Variants in LACRT observed in about 807,000 individuals in gnomAD.
LACRT encodes the protein extracellular glycoprotein lacritin.
A neutral mutation model predicts 14.5 loss-of-function variants in LACRT; 14 were observed. That is an observed-to-expected ratio of 0.96 (90% CI 0.64 to 1.51). The LOEUF (loss-of-function observed/expected upper bound fraction) is 1.51. LACRT is among the 40% of genes most tolerant of loss of function. The pLI, the probability that LACRT is intolerant of heterozygous loss-of-function variation, is 0.00. For missense variants in LACRT, 156 were observed against 161.8 expected (o/e 0.96, Z 0.19); for synonymous variants, 70 against 63.5 (o/e 1.10, Z -0.48).
At chr12:54,632,213 T>C in intron 3 of LACRT, 28 bp downstream of exon 3, 3 of 1,611,474 alleles carry the variant, frequency 1.9e-6, no homozygotes, top group Non-Finnish European at 2.5e-6. Context: ...TTCTAGGTTG[T>C]TGATCTGGCA....
chr12:54,632,333 G>A lies in LACRT; in HGVS notation c.161C>T (p.Pro54Leu), dbSNP rs760027447. Residue 54 changes from proline to leucine, a missense_variant, in exon 3 of 5, where the codon CCA (proline) becomes CTA (leucine). Transcript: ENST00000257867. ...CTCCTGGGCTGTTGTGGTTGTCTCTGGGGGTGAAGCTGGTTCTGCTGGACC... is the reference window on the plus strand; with the variant it reads ...CTCCTGGGCTGTTGTGGTTGTCTCTAGGGGTGAAGCTGGTTCTGCTGGACC... ...ISGPAEPASP[P>L]ETTTTAQETS... 6.2e-7 allele frequency: 1 copy of A among 1,614,114 alleles called. No individual in the cohort carries two copies. The highest frequency in any genetic ancestry group is 8.5e-7 in the Non-Finnish European group (1 of 1,179,994).
intron 2 of LACRT, among the ~76,000 whole-genome samples, chr12:54,632,610 G>A (rs775715927): frequency 2.0e-5 from 3 of 152,074 alleles, no homozygotes; most frequent in Admixed American, 6.5e-5. Context: ...GGTGAGAATC[G>A]GGGAGCACTT....
Position 54,634,882 on chromosome 12 carries a change from A to G in LACRT, c.-41T>C. 3 of 1,535,074 alleles carry G rather than the reference A, an allele frequency of 2.0e-6. No homozygotes were observed. The highest frequency in any genetic ancestry group is 2.7e-6 in the Non-Finnish European group (3 of 1,108,130). On this transcript the variant is annotated 5_prime_UTR_variant, in exon 1 of 5. Transcript: ENST00000257867. ...GTGAGTATAACCACAGAATCTGCAG[A>G]AGGTCTGGGGAATAAGGATGCTGAA...
chr12:54,631,934 C>A, intron 3 of LACRT, 95 bp from the exon 4 acceptor site: 1 of 740,018 alleles, frequency 1.4e-6, no homozygotes, highest in Non-Finnish European at 2.3e-6. Flanking sequence ...CCCACCCCCA[C>A]TCCACCCAGG....
intron 1 of LACRT, 35 bp from the exon 2 acceptor site, chr12:54,633,268 G>T: frequency 6.3e-7 from 1 of 1,590,608 alleles, no homozygotes; most frequent in South Asian, 1.1e-5. Context: ...TGAGAGCAAG[G>T]ACCGAACCGG....
At chr12:54,631,640 G>T in intron 4 of LACRT, 98 bp downstream of exon 4, 1 of 840,440 alleles carries the variant, frequency 1.2e-6, no homozygotes, top group Non-Finnish European at 2.0e-6. Context: ...TCATATGTGA[G>T]GTGGAAATGG....
intron 4 of LACRT, 154 bp downstream of exon 4, chr12:54,631,584 C>G: frequency 1.6e-6 from 1 of 643,952 alleles, no homozygotes; most frequent in Non-Finnish European, 2.8e-6. Flanking sequence ...TATGAAAGCA[C>G]AAAGTGAGGG....
rs202052309 is a variant in LACRT, at chr12:54,632,270, G to A, written c.224C>T (p.Thr75Ile). The change falls in exon 3 of 5, where the codon ACC becomes ATC. Residue 75 changes from threonine to isoleucine, a missense_variant. Transcript: ENST00000257867. ...AAAVQGTAKV[T>I]SSRQELNPLK... Reference sequence around the variant, plus strand: ...GGGGTTTAGTTCCTGCCTGCTTGAGGTGACCTTGGCTGTCCCCTGAACTGC... The same window carrying A: ...GGGGTTTAGTTCCTGCCTGCTTGAGATGACCTTGGCTGTCCCCTGAACTGC... 6.2e-7 allele frequency: 1 copy of A among 1,614,122 alleles called. No homozygotes were observed. Among genetic ancestry groups the A allele is most frequent in the East Asian group, 2.2e-5 (1 of 44,880 alleles).
At chr12:54,632,217 T>A (rs1255950210) in intron 3 of LACRT, 24 bp downstream of exon 3, 2 of 1,612,024 alleles carry the variant, frequency 1.2e-6, no homozygotes, top group Non-Finnish European at 1.7e-6. Context: ...AGGTTGTTGA[T>A]CTGGCATAGA....
intron 1 of LACRT, 80 bp downstream of exon 1, chr12:54,634,704 G>T (rs1376776522): frequency 7.8e-7 from 1 of 1,276,844 alleles, no homozygotes; most frequent in African/African-American, 1.5e-5. Context: ...TGAGAGAGGA[G>T]GAGAGGGGTG....
At chr12:54,631,899 T>C in intron 3 of LACRT, 60 bp from the exon 4 acceptor site, 1 of 1,198,654 alleles carries the variant, frequency 8.3e-7, no homozygotes, top group Non-Finnish European at 1.2e-6. Context: ...AAGAGAACTC[T>C]GCATTGCCCC....
At chr12:54,633,151 G>A (rs773058211) in intron 2 of LACRT, 29 bp downstream of exon 2, 2 of 1,610,684 alleles carry the variant, frequency 1.2e-6, no homozygotes, top group East Asian at 4.5e-5. Context: ...CCCAACGAGG[G>A]CTAGGGCAGC....
intron 4 of LACRT, 67 bp downstream of exon 4, chr12:54,631,671 C>G: frequency 8.4e-7 from 1 of 1,191,058 alleles, no homozygotes; most frequent in East Asian, 2.3e-5. Flanking sequence ...TGTCCCATAT[C>G]CCACCCCCGG....
At chr12:54,632,137 T>C (rs1958156065) in intron 3 of LACRT, 104 bp downstream of exon 3, 1 of 1,342,970 alleles carries the variant, frequency 7.4e-7, no homozygotes, top group Non-Finnish European at 1.0e-6. Context: ...TGTTTGAGTC[T>C]ACCTGCTTCT....
chr12:54,631,077 G>C (rs1565724194), intron 4 of LACRT, 124 bp from the exon 5 acceptor site: 1 of 662,610 alleles, frequency 1.5e-6, no homozygotes, highest in East Asian at 2.7e-5. Flanking sequence ...GGCTTACACA[G>C]AAGTTGGAGG....
chr12:54,632,358 C>T lies in LACRT; in HGVS notation c.136G>A (p.Gly46Ser). Residue 46 changes from glycine (G) to serine (S), a missense_variant, in exon 3 of 5, where the codon GGT becomes AGT. Physicochemically the swap from Gly to Ser is moderately conservative, Grantham distance 56. Coordinates refer to ENST00000257867, the MANE Select transcript of LACRT (RefSeq NM_033277.2). ...GGGGGTGAAGCTGGTTCTGCTGGAC[C>T]TGAGATCTCTTCATTAGGCTTAGCT... ...GTSKPNEEIS[G>S]PAEPASPPET... The T allele has an allele frequency of 6.2e-7, 1 of 1,614,144 alleles. No homozygotes were observed.
In LACRT at chr12:54,634,824, G is replaced by A. The variant is rs141907306; in HGVS notation, c.18C>T (p.Leu6=). The change falls in exon 1 of 5, where the codon CTC becomes CTT. Residue 6 remains leucine (L), a synonymous_variant. Coordinates refer to ENST00000257867, the MANE Select transcript of LACRT (RefSeq NM_033277.2). Reference sequence around the variant, plus strand: ...CCCCTGCTACAGCTGCCAAGAAGAGGAGAGTGGTAAATTTCATTCTTTGGG... The same window carrying A: ...CCCCTGCTACAGCTGCCAAGAAGAGAAGAGTGGTAAATTTCATTCTTTGGG... MKFTT[L]LFLAAVAGAL... 4 of 1,613,694 alleles carry A rather than the reference G, an allele frequency of 2.5e-6. No individual in the cohort carries two copies. The highest frequency in any genetic ancestry group is 3.4e-6 in the Non-Finnish European group (4 of 1,179,742).
chr12:54,632,397 T>C lies in LACRT; in HGVS notation c.113-16A>G. ...TTAGGCTTAGCTGTGAATGCACAAA[T>C]TGATGGATTTTAGCAAAGTGAAAGT... On this transcript the variant is annotated splice_polypyrimidine_tract_variant and intron_variant, in intron 2 of 4. Coordinates refer to ENST00000257867, the MANE Select transcript of LACRT (RefSeq NM_033277.2). The C allele has an allele frequency of 1.2e-6, 2 of 1,612,296 alleles. No homozygotes were observed. The highest frequency in any genetic ancestry group is 8.5e-7 in the Non-Finnish European group (1 of 1,179,060).
chr12:54,633,583 G>A (rs918737711), intron 1 of LACRT, among the ~76,000 whole-genome samples: 3 of 152,266 alleles, frequency 2.0e-5, no homozygotes, highest in South Asian at 4.1e-4. Context: ...GGTGGAGGAG[G>A]ACAGTATGTG....
Sources: allele counts gnomAD v4.1 joint callset (sites outside exome capture counted in the v4.1 genomes callset), GRCh38; gene constraint gnomAD v4.1.1; transcripts MANE v1.5; gene names NCBI Gene and HGNC (gene_info 2026-07-23, HGNC 2026-07-21).